CYGB: variants seen among roughly 807,000 people sequenced by gnomAD.
The protein encoded by CYGB is cytoglobin.
In CYGB, 13 loss-of-function variants were observed where a neutral mutation model predicts 20.7. The ratio of observed to expected loss-of-function variants is 0.63; its 90% CI spans 0.41 to 1.00. The LOEUF (loss-of-function observed/expected upper bound fraction) is 1.00. Among genes scored for constraint, CYGB ranks in the 50% least tolerant of loss-of-function variants. The pLI is 0.00. For synonymous variants in CYGB, 93 were observed against 107.4 expected, an observed-to-expected ratio of 0.87 and a Z score of 0.83; for missense variants, 218 against 257.2, an observed-to-expected ratio of 0.85 and a Z score of 1.04.
chr17:76,534,146 T>TTCTCTCTCTCTCTCTCTC lies in CYGB; in HGVS notation c.144-2473_144-2456dup, dbSNP rs71158013. ...TCTTTCTTTCTCTCTCTCTTTCTCT[T>TTCTCTCTCTCTCTCTCTC]TCTCTCTCTCTCTCTCTCTCTCTCT... On this transcript the variant is annotated intron_variant, in intron 1 of 3. Transcript: ENST00000293230. Among the ~76,000 whole-genome samples the TTCTCTCTCTCTCTCTCTC allele has an allele frequency of 6.4e-3, 825 of 128,920 alleles. 7 individuals are homozygous for TTCTCTCTCTCTCTCTCTC. The highest frequency in any genetic ancestry group is 0.014 in the South Asian group (50 of 3,564). 84.6% of individuals were successfully genotyped at this position (128,920 alleles called of 152,430 possible). A position where few individuals can be genotyped will look rare whatever the true frequency, so the allele number is the denominator to read the frequency against.
At chr17:76,540,699 A>G (rs1037604877), upstream of CYGB, 78 of 929,102 alleles carry the variant, frequency 8.4e-5, no homozygotes, top group Non-Finnish European at 1.3e-4. This position sits in a 1 kb window ranked among gnomAD's most constrained non-coding sequence, Gnocchi z 5.0. Context: ...CCCTTGCCCT[A>G]AGCACCCTGC....
rs114197491 is a variant in CYGB, at chr17:76,537,356, C to G, written c.143+44G>C. The G allele has an allele frequency of 1.4e-3, 2,180 of 1,541,568 alleles. 24 individuals carry two copies. The African/African-American group carries it at 0.027, about 19-fold the overall frequency. The stretch of plus-strand genomic sequence containing the variant: ...AGCCCTCCTCTGCCCGGAGCCGCTG[C>G]CGCCCTCCCTGCCCAGGGCCCGGCC... On this transcript the variant is annotated intron_variant, in intron 1 of 3. Transcript: ENST00000293230.
chr17:76,534,164 CTCTCTCTCTCTCTT>C lies in CYGB; in HGVS notation c.144-2487_144-2474del, dbSNP rs1244328952. Among the ~76,000 whole-genome samples the C allele has an allele frequency of 1.1e-4, 16 of 148,934 alleles. No individual in the cohort carries two copies. In the South Asian group the frequency reaches 2.2e-3, roughly 20 times the overall value. The stretch of plus-strand genomic sequence containing the variant: ...TTTCTCTTTCTCTCTCTCTCTCTCT[CTCTCTCTCTCTCTT>C]TCTTTCTTTCTTTCTTGAGACAGAA... On this transcript the variant is annotated intron_variant, in intron 1 of 3. Coordinates refer to ENST00000293230, the MANE Select transcript of CYGB (RefSeq NM_134268.5).
At chr17:76,541,995 A>G (rs1368301286), upstream of CYGB, among the ~76,000 whole-genome samples, 1 of 152,112 alleles carries the variant, frequency 6.6e-6, no homozygotes, top group African/African-American at 2.4e-5. Flanking sequence ...GAGGTTTCCT[A>G]CCTATTAAGT....
At chr17:76,536,366 G>T (rs2143115557) in intron 1 of CYGB, among the ~76,000 whole-genome samples, 1 of 152,284 alleles carries the variant, frequency 6.6e-6, no homozygotes, top group African/African-American at 2.4e-5. Context: ...TGCCCTTCCA[G>T]AGCGAGGCTT....
Position 76,531,230 on chromosome 17 carries a change from G to T in CYGB, c.376-88C>A. 7.1e-7 allele frequency: 1 copy of T among 1,417,978 alleles called. No homozygotes were observed. Among genetic ancestry groups the T allele is most frequent in the Non-Finnish European group, 9.7e-7 (1 of 1,035,018 alleles). 87.8% of individuals were successfully genotyped at this position (1,417,978 alleles called of 1,614,324 possible). A position where few individuals can be genotyped will look rare whatever the true frequency, so the allele number is the denominator to read the frequency against. On this transcript the variant is annotated intron_variant, in intron 2 of 3. Coordinates refer to ENST00000293230, the MANE Select transcript of CYGB (RefSeq NM_134268.5). This position sits in a 1 kb window ranked among gnomAD's most constrained non-coding sequence, Gnocchi z 7.4. Reference sequence around the variant, plus strand: ...GCCCCTCCGCCCCACGTGTGGCCGAGAGGATCATTCCTAACGCAACAGTCT... The same window carrying T: ...GCCCCTCCGCCCCACGTGTGGCCGATAGGATCATTCCTAACGCAACAGTCT...
At chr17:76,547,841 TCA>T (rs144275867) in intron 1 of CYGB, among the ~76,000 whole-genome samples, 37 of 123,824 alleles carry the variant, frequency 3.0e-4, no homozygotes, top group African/African-American at 7.3e-4. Context: ...CAACACACAT[TCA>T]CACACACACA....
At chr17:76,550,890 C>T (rs145713443) in exon 1 of CYGB, 1 of 152,350 alleles carries the variant, frequency 6.6e-6, no homozygotes, top group African/African-American at 2.4e-5. Flanking sequence ...CTAAGTGCCC[C>T]GAAGCACTGA....
chr17:76,527,531 C>A lies in CYGB; in HGVS notation c.*1047G>T. ...CAGCAAAACATCCTTGAAGACGACA[C>A]ACGTGACCAAGGGGCACACACGGGG... On this transcript the variant is annotated 3_prime_UTR_variant, in exon 4 of 4. Transcript: ENST00000293230. 2.3e-6 allele frequency: 1 copy of A among 439,474 alleles called. No homozygotes were observed. The highest frequency in any genetic ancestry group is 4.6e-6 in the Non-Finnish European group (1 of 215,976). The allele number at this position is 439,474 out of a possible 1,614,324, so 27.2% of individuals were successfully genotyped here.
At chr17:76,532,885 G>A (rs982304382) in intron 1 of CYGB, among the ~76,000 whole-genome samples, 1 of 152,202 alleles carries the variant, frequency 6.6e-6, no homozygotes, top group Non-Finnish European at 1.5e-5. Context: ...GATGTCATGT[G>A]AGACATGGGC....
chr17:76,542,804 C>G (rs1461572205), intron 1 of CYGB, among the ~76,000 whole-genome samples: 2 of 152,196 alleles, frequency 1.3e-5, no homozygotes. Context: ...TACCTTGAGC[C>G]TGTTGTGGTC....
In CYGB at chr17:76,530,799, G is replaced by T. The variant is rs2074827383; in HGVS notation, c.539+180C>A. Among the ~76,000 whole-genome samples the T allele has an allele frequency of 1.3e-5, 2 of 152,074 alleles. No individual in the cohort carries two copies. Among genetic ancestry groups the T allele is most frequent in the African/African-American group, 4.8e-5 (2 of 41,376 alleles). ...CTGAGCAGCCTGAAGTCACAGGGGA[G>T]CCATCTTGAAGGCCTTTCCTATTAT... On this transcript the variant is annotated intron_variant, in intron 3 of 3. Coordinates refer to ENST00000293230, the MANE Select transcript of CYGB (RefSeq NM_134268.5). This position sits in a 1 kb window ranked among gnomAD's most constrained non-coding sequence, Gnocchi z 6.1.
chr17:76,527,520 T>G lies in CYGB; in HGVS notation c.*1058A>C, dbSNP rs1390041488. 2.3e-6 allele frequency: 1 copy of G among 431,856 alleles called. No homozygotes were observed. Among genetic ancestry groups the G allele is most frequent in the Non-Finnish European group, 4.7e-6 (1 of 212,156 alleles). The allele number at this position is 431,856 out of a possible 1,614,324, so 26.8% of individuals were successfully genotyped here. On this transcript the variant is annotated 3_prime_UTR_variant, in exon 4 of 4. Coordinates refer to ENST00000293230, the MANE Select transcript of CYGB (RefSeq NM_134268.5). ...AGGAGCCACAGCAGCAAAACATCCT[T>G]GAAGACGACACACGTGACCAAGGGG...
chr17:76,540,537 G>C, upstream of CYGB: 1 of 1,613,652 alleles, frequency 6.2e-7, no homozygotes, highest in South Asian at 1.1e-5. The surrounding 1 kb of genome is among the most constrained non-coding windows in gnomAD (Gnocchi z 5.0). Context: ...GCAGCTAGGG[G>C]CAGCAGCTTG....
Position 76,530,142 on chromosome 17 carries a change from G to GAATGTTTC in CYGB, c.539+836_539+837insGAAACATT. On this transcript the variant is annotated intron_variant, in intron 3 of 3. Transcript: ENST00000293230. This position sits in a 1 kb window ranked among gnomAD's most constrained non-coding sequence, Gnocchi z 6.1. ...CCACGGGAATGTTTCTCTACCACGC[G>GAATGTTTC]TGTCCCGGGCTGCTGGCTGACCTCT... The GAATGTTTC allele has an allele frequency of 7.3e-6, 7 of 965,468 alleles. No individual in the cohort carries two copies. Among genetic ancestry groups the GAATGTTTC allele is most frequent in the Non-Finnish European group, 8.6e-6 (7 of 811,872 alleles). 59.8% of individuals were successfully genotyped at this position (965,468 alleles called of 1,614,324 possible). A position where few individuals can be genotyped will look rare whatever the true frequency, so the allele number is the denominator to read the frequency against.
upstream of CYGB, chr17:76,538,536 A>G (rs371508535): frequency 1.1e-5 from 5 of 464,728 alleles, no homozygotes; most frequent in South Asian, 3.1e-5. Context: ...CCTGAATTCT[A>G]GCCCAGCTGG....
At chr17:76,532,049 A>T (rs2074850923) in intron 1 of CYGB, 1 of 194,984 alleles carries the variant, frequency 5.1e-6, no homozygotes, top group Non-Finnish European at 1.1e-5. Flanking sequence ...TCATGAGTTG[A>T]TCTGAAATTA....
chr17:76,547,880 C>A (rs1350328613), intron 1 of CYGB, among the ~76,000 whole-genome samples: 1 of 151,040 alleles, frequency 6.6e-6, no homozygotes, highest in African/African-American at 2.4e-5. Context: ...TATTCACACA[C>A]ATACACATAC....
upstream of CYGB, chr17:76,542,596 G>A: frequency 6.2e-7 from 1 of 1,614,060 alleles, no homozygotes; most frequent in East Asian, 2.2e-5. Flanking sequence ...TGCAGGTGGG[G>A]CTCAGGCCCA....
Sources: gnomAD v4.1 joint callset for allele counts (sites outside exome capture counted in the v4.1 genomes callset) on GRCh38, gnomAD v4.1.1 for gene constraint, Gnocchi (gnomAD v3.1) non-coding constraint, MANE v1.5 for transcripts, NCBI Gene and HGNC (gene_info 2026-07-23, HGNC 2026-07-21) for gene names.